The following BDH1 variants were observed in gnomAD, a reference collection of about 807,000 sequenced individuals.
BDH1 encodes D-beta-hydroxybutyrate dehydrogenase, mitochondrial.
A neutral mutation model predicts 33.1 loss-of-function variants in BDH1; 30 were observed. The ratio of observed to expected loss-of-function variants is 0.91; its 90% confidence interval spans 0.68 to 1.23. BDH1 has a LOEUF of 1.23. Ranked by LOEUF, BDH1 falls within the 50% of genes most tolerant of loss-of-function variation. The pLI, the probability that BDH1 is intolerant of heterozygous loss-of-function variation, is 0.00. For synonymous variants in BDH1, 190 were observed against 183.6 expected (o/e 1.03, Z -0.28); for missense variants, 443 against 464.4 (o/e 0.95, Z 0.42).
chr3:197,521,953 C>G lies in BDH1; in HGVS notation c.409+687G>C, dbSNP rs1713593609. 6.6e-6 allele frequency among the ~76,000 whole-genome samples: 1 copy of G among 152,182 alleles called. No homozygotes were observed. The highest frequency in any genetic ancestry group is 1.5e-5 in the Non-Finnish European group (1 of 68,030). Reference sequence around the variant, plus strand: ...GTGGCTCCCCAGTGCCATTGGGAGACCAGCCATGTTCCCTCGCCTGGGATC... The same window carrying G: ...GTGGCTCCCCAGTGCCATTGGGAGAGCAGCCATGTTCCCTCGCCTGGGATC... On this transcript the variant is annotated intron_variant, in intron 6 of 7. Transcript: ENST00000392379. The surrounding 1 kb of genome is among the most constrained non-coding windows in gnomAD (Gnocchi z 4.9).
At position 197,533,495 on chromosome 3, in the gene BDH1, C is replaced by T. The variant is rs372156066; in HGVS notation, c.150G>A (p.Ala50=). 48 of 1,614,112 alleles carry T rather than the reference C, an allele frequency of 3.0e-5. No individual in the cohort carries two copies. The highest frequency in any genetic ancestry group is 1.1e-4 in the African/African-American group (8 of 74,940). ...TAGCTGGGCTTCCACTCACCGGCTC[C>T]GCCGCACTGGCATAAGTCCGACGGC... ...PIGRRTYASA[A]EPVGSKAVLV... Residue 50 remains alanine (A), a synonymous_variant, in exon 4 of 8, where the codon GCG becomes GCA. Transcript: ENST00000392379.
At chr3:197,546,594 C>G (rs373662773) in intron 2 of BDH1, 108 bp from the exon 3 acceptor site, 8 of 676,090 alleles carry the variant, frequency 1.2e-5, no homozygotes, top group East Asian at 5.5e-5. Context: ...TGCATCTGTT[C>G]CACCCAGCTC....
rs1196214864 is a variant in BDH1 at position 197,526,206 on chromosome 3, G to A, written c.268-3425C>T. Among the ~76,000 whole-genome samples the A allele has an allele frequency of 6.6e-6, 1 of 152,190 alleles. No individual in the cohort carries two copies. Among genetic ancestry groups the A allele is most frequent in the Non-Finnish European group, 1.5e-5 (1 of 68,030 alleles). On this transcript the variant is annotated intron_variant, in intron 5 of 7. Coordinates refer to ENST00000392379, the MANE Select transcript of BDH1 (RefSeq NM_203314.3). The surrounding 1 kb of genome is among the most constrained non-coding windows in gnomAD (Gnocchi z 4.7). ...AAATAATTCCAGCCCAGCCTGGTTT[G>A]AGAACCCAAACTCCCAAACTTGTAT...
chr3:197,561,469 G>A (rs1043965339), intron 1 of BDH1, among the ~76,000 whole-genome samples: 7 of 151,790 alleles, frequency 4.6e-5, no homozygotes, highest in African/African-American at 1.7e-4. Flanking sequence ...AGATGAATTC[G>A]AGTTTTTTCC....
chr3:197,517,107 G>A (rs993976986), intron 6 of BDH1, among the ~76,000 whole-genome samples: 1 of 151,938 alleles, frequency 6.6e-6, no homozygotes, highest in African/African-American at 2.4e-5. Context: ...TTGGGTCCTC[G>A]CTGCCTGTCT....
chr3:197,531,070 A>C (rs1374265786), intron 5 of BDH1, among the ~76,000 whole-genome samples: 1 of 152,230 alleles, frequency 6.6e-6, no homozygotes, highest in Non-Finnish European at 1.5e-5. Context: ...GCGATAAAGA[A>C]AAAACAAAAA....
rs1716808084 is a variant in BDH1 at position 197,554,224 on chromosome 3, C to A, written c.-44+338G>T. On this transcript the variant is annotated intron_variant, in intron 2 of 7. Coordinates refer to ENST00000392379, the MANE Select transcript of BDH1 (RefSeq NM_203314.3). This position sits in a 1 kb window ranked among gnomAD's most constrained non-coding sequence, Gnocchi z 4.4. ...CTAATTCAAAAATCTTTCGCCCAAT[C>A]TCCTCCCTTCTGTGCCTCTGTAACT... 1 of 152,260 alleles carries A rather than the reference C, an allele frequency of 6.6e-6. No individual in the cohort carries two copies. Among genetic ancestry groups the A allele is most frequent in the South Asian group, 2.1e-4 (1 of 4,832 alleles). 9.4% of individuals were successfully genotyped at this position (152,260 alleles called of 1,614,324 possible).
chr3:197,521,324 G>T lies in BDH1; in HGVS notation c.409+1316C>A, dbSNP rs1352190722. 6.6e-6 allele frequency among the ~76,000 whole-genome samples: 1 copy of T among 152,220 alleles called. No individual in the cohort carries two copies. Among genetic ancestry groups the T allele is most frequent in the Non-Finnish European group, 1.5e-5 (1 of 68,046 alleles). The stretch of plus-strand genomic sequence containing the variant: ...ACATGAATGGCACCCCGAGGTTGCA[G>T]ACAGAGCTCCTCCCACAAGGCCCTC... On this transcript the variant is annotated intron_variant, in intron 6 of 7. Coordinates refer to ENST00000392379, the MANE Select transcript of BDH1 (RefSeq NM_203314.3). The surrounding 1 kb of genome is among the most constrained non-coding windows in gnomAD (Gnocchi z 4.9).
At chr3:197,568,848 CCTT>C (rs1717515995) in intron 1 of BDH1, among the ~76,000 whole-genome samples, 1 of 152,046 alleles carries the variant, frequency 6.6e-6, no homozygotes, top group Non-Finnish European at 1.5e-5. Flanking sequence ...CTGATTGAGT[CCTT>C]ATAATATCTC....
chr3:197,531,598 T>C (rs2567327), intron 5 of BDH1, among the ~76,000 whole-genome samples: 28,982 of 151,826 alleles, frequency 0.19, 3,297 homozygotes, highest in Admixed American at 0.28. Context: ...CAAAAGGCCA[T>C]GTATTGTATG....
chr3:197,540,160 C>T (rs1264271403), intron 3 of BDH1, among the ~76,000 whole-genome samples: 7 of 152,008 alleles, frequency 4.6e-5, no homozygotes, highest in Admixed American at 3.9e-4. Flanking sequence ...AAGCAATTCT[C>T]GTGCCTCTGG....
At chr3:197,524,977 A>G (rs1423666581) in intron 5 of BDH1, among the ~76,000 whole-genome samples, 1 of 152,164 alleles carries the variant, frequency 6.6e-6, no homozygotes, top group African/African-American at 2.4e-5. Context: ...CTTCGGACAC[A>G]GCAGCCAGGC....
rs367827020 is a variant in BDH1 at position 197,512,122 on chromosome 3, G to A, written c.805C>T (p.Arg269Cys). The A allele has an allele frequency of 8.7e-6, 14 of 1,614,058 alleles. No individual in the cohort carries two copies. Among genetic ancestry groups the A allele is most frequent in the South Asian group, 2.2e-5 (2 of 91,088 alleles). ...AAGTACTTCTTGCCGTAGTCCTTGC[G>A]CACGACCTCAGGCAGCTCCTCCCAC... The part of the protein sequence containing the change: ...KMWEELPEVV[R>C]KDYGKKYFDE... The change falls in exon 8 of 8, where the codon CGC becomes TGC. Residue 269 changes from arginine to cysteine, a missense_variant. Physicochemically the swap from Arg to Cys is radical, Grantham distance 180. Coordinates refer to ENST00000392379, the MANE Select transcript of BDH1 (RefSeq NM_203314.3).
rs529699369 is a variant in BDH1 at position 197,561,513 on chromosome 3, T to C, written c.-44+11668A>G. Among the ~76,000 whole-genome samples the C allele has an allele frequency of 2.7e-4, 41 of 152,336 alleles. 1 individual carries two copies. Among genetic ancestry groups the C allele is most frequent in the African/African-American group, 9.6e-4 (40 of 41,570 alleles). ...GGATGACAAAAAGCAGTCTTCAGCC[T>C]GAGACCCATCCCTAGGTAAGTAGCT... On this transcript the variant is annotated intron_variant, in intron 1 of 6. Coordinates refer to the BDH1 transcript ENST00000358186.
At chr3:197,535,089 A>G (rs4374547) in intron 3 of BDH1, among the ~76,000 whole-genome samples, 15,345 of 152,062 alleles carry the variant, frequency 0.1, 884 homozygotes, top group African/African-American at 0.14. Flanking sequence ...ATCCATGAGG[A>G]CTCCACCTTT....
chr3:197,542,891 G>T (rs1223169963), intron 3 of BDH1, among the ~76,000 whole-genome samples: 1 of 152,152 alleles, frequency 6.6e-6, no homozygotes, highest in Non-Finnish European at 1.5e-5. Context: ...AGAGCTTCCT[G>T]ATTTTTGCCC....
intron 2 of BDH1, among the ~76,000 whole-genome samples, chr3:197,550,135 T>C (rs1317248478): frequency 1.3e-5 from 2 of 152,078 alleles, no homozygotes; most frequent in Non-Finnish European, 2.9e-5. Context: ...TAACATTCCT[T>C]AGAGAAGTAA....
chr3:197,524,138 C>T (rs1018235880), intron 5 of BDH1, among the ~76,000 whole-genome samples: 1 of 152,186 alleles, frequency 6.6e-6, no homozygotes, highest in Non-Finnish European at 1.5e-5. Flanking sequence ...GAGCTACACT[C>T]GATGTGAAAA....
rs754513408 is a variant in BDH1, at chr3:197,514,279, T to A, written c.547A>T (p.Ile183Phe). 1 of 1,613,138 alleles carries A rather than the reference T, an allele frequency of 6.2e-7. No homozygotes were observed. The highest frequency in any genetic ancestry group is 8.5e-7 in the Non-Finnish European group (1 of 1,179,440). Residue 183 changes from isoleucine (I) to phenylalanine (F), a missense_variant, in exon 7 of 8, where the codon ATC becomes TTC. Transcript: ENST00000392379. The surrounding 1 kb of genome is among the most constrained non-coding windows in gnomAD (Gnocchi z 4.2). ...TCCCACTCACCTTTGGCCCTTCGGA[T>A]GAGGGGGAGAAAGGATTTCGTCATC... Reference protein sequence around the residue: ...VRMTKSFLPLIRRAKGRVVNI... With the variant: ...VRMTKSFLPLFRRAKGRVVNI...
Sources: allele counts gnomAD v4.1 joint callset (sites outside exome capture counted in the v4.1 genomes callset), GRCh38; gene constraint gnomAD v4.1.1; non-coding constraint Gnocchi (gnomAD v3.1); transcripts MANE v1.5; gene names NCBI Gene and HGNC (gene_info 2026-07-23, HGNC 2026-07-21).